Variants in USP1 observed in about 807,000 individuals in gnomAD.
USP1 encodes ubiquitin carboxyl-terminal hydrolase 1.
Under a neutral mutation model 72.2 loss-of-function variants are expected in USP1, and 18 were observed. The ratio of observed to expected loss-of-function variants is 0.25; its 90% CI spans 0.17 to 0.37. The LOEUF (loss-of-function observed/expected upper bound fraction) is 0.37, where lower values mean the gene tolerates loss of function less well. USP1 is among the 10% of genes least tolerant of loss of function. The probability of loss-of-function intolerance (pLI) is 1.00; values close to 1 mark genes in which losing one functional copy is unlikely to be tolerated. For synonymous variants in USP1, 354 were observed against 303.7 expected (o/e 1.17, Z -1.72); for missense variants, 759 against 884.9 (o/e 0.86, Z 1.81).
intron 7 of USP1, among the ~76,000 whole-genome samples, chr1:62,448,096 G>GT (rs1645188980): frequency 6.6e-6 from 1 of 152,084 alleles, no homozygotes; most frequent in Non-Finnish European, 1.5e-5. Context: ...TACTGAGGTT[G>GT]TTTTTAACAC....
At chr1:62,442,064 C>A in intron 3 of USP1, 131 bp from the exon 4 acceptor site, 1 of 639,296 alleles carries the variant, frequency 1.6e-6, no homozygotes, top group Non-Finnish European at 2.6e-6. Flanking sequence ...CAAATTTTGA[C>A]ACAAAACTTA....
rs1209916303 is a variant in USP1 at position 62,445,294 on chromosome 1, AAAG to A, written c.1117_1119del (p.Glu373del). The A allele has an allele frequency of 3.1e-6, 5 of 1,613,648 alleles. No homozygotes were observed. The highest frequency in any genetic ancestry group is 4.2e-6 in the Non-Finnish European group (5 of 1,179,934). ...AAACCAAGGAGTCAAAGGACAATCT[AAAG>A]AAAATGAATGTGATCCTGAAGAGGA... On this transcript the variant is annotated inframe_deletion, in exon 6 of 9. Coordinates refer to ENST00000339950, the MANE Select transcript of USP1 (RefSeq NM_003368.5).
chr1:62,447,307 T>A, intron 6 of USP1, 34 bp from the exon 7 acceptor site: 3 of 1,570,378 alleles, frequency 1.9e-6, no homozygotes, highest in Non-Finnish European at 2.6e-6. Context: ...GAAACTAATC[T>A]GTATAGACTT....
intron 1 of USP1, 112 bp downstream of exon 1, chr1:62,437,512 G>A (rs923308327): frequency 2.2e-5 from 5 of 229,000 alleles, no homozygotes; most frequent in Non-Finnish European, 4.2e-5. Flanking sequence ...TCGCACCCTG[G>A]TCGACCTGCC....
At chr1:62,443,908 T>C (rs530913730) in intron 5 of USP1, among the ~76,000 whole-genome samples, 1 of 152,284 alleles carries the variant, frequency 6.6e-6, no homozygotes, top group African/African-American at 2.4e-5. Flanking sequence ...TTTAAAACAA[T>C]CACTTAAGCA....
At chr1:62,441,779 G>A (rs1256578670) in intron 3 of USP1, among the ~76,000 whole-genome samples, 171 bp downstream of exon 3, 1 of 152,130 alleles carries the variant, frequency 6.6e-6, no homozygotes, top group East Asian at 1.9e-4. Context: ...AACTTCCTTT[G>A]GGGTAAGAGA....
rs996606240 is a variant in USP1 at position 62,438,956 on chromosome 1, T to C, written c.-69-843T>C. Among the ~76,000 whole-genome samples, 9 of 152,224 alleles carry C rather than the reference T, an allele frequency of 5.9e-5. No homozygotes were observed. In the South Asian group the frequency reaches 6.2e-4, roughly 11 times the overall value. The stretch of plus-strand genomic sequence containing the variant: ...TTTATCTTTCACTTACGGTTTTAGG[T>C]ATAACTTAACACCATCTCTATGCCT... On this transcript the variant is annotated intron_variant, in intron 1 of 8. Coordinates refer to ENST00000339950, the MANE Select transcript of USP1 (RefSeq NM_003368.5).
In USP1 at chr1:62,450,812, A is replaced by T; in HGVS notation, c.2189A>T (p.Glu730Val). The T allele has an allele frequency of 1.2e-6, 2 of 1,614,040 alleles. No homozygotes were observed. Among genetic ancestry groups the T allele is most frequent in the African/African-American group, 2.7e-5 (2 of 75,036 alleles). ...DQTGINISGF[E>V]NKISYVVQSL... ...ACAGGCATTAATATTAGTGGATTTGAGAACAAAATTTCATACGTAGTGCAA... is the reference window on the plus strand; with the variant it reads ...ACAGGCATTAATATTAGTGGATTTGTGAACAAAATTTCATACGTAGTGCAA... The change falls in exon 9 of 9, where the codon GAG (glutamate) becomes GTG (valine). Residue 730 changes from glutamate to valine, a missense_variant. Glu to Val is a moderately radical substitution (Grantham distance 121). Coordinates refer to ENST00000339950, the MANE Select transcript of USP1 (RefSeq NM_003368.5).
In USP1 at chr1:62,451,690, C is replaced by T. The variant is rs2149209273; in HGVS notation, c.*709C>T. The T allele has an allele frequency of 1.3e-5, 2 of 152,626 alleles. No individual in the cohort carries two copies. The highest frequency in any genetic ancestry group is 1.3e-4 in the Admixed American group (2 of 15,280). The allele number at this position is 152,626 out of a possible 1,614,324, so 9.5% of individuals were successfully genotyped here. On this transcript the variant is annotated 3_prime_UTR_variant, in exon 9 of 9. Transcript: ENST00000339950. The stretch of plus-strand genomic sequence containing the variant: ...CTTAGAGGTGTGACCTTAAATTTAA[C>T]TTTTTTTAAAAACTGGGAGGTCAAT...
intron 1 of USP1, among the ~76,000 whole-genome samples, chr1:62,439,502 A>C (rs1234940259): frequency 6.6e-6 from 1 of 152,098 alleles, no homozygotes; most frequent in African/African-American, 2.4e-5. Context: ...ATAAGTTTTT[A>C]CTACTTATAC....
rs565947491 is a variant in USP1, at chr1:62,449,678, G to A, written c.1623-568G>A. Among the ~76,000 whole-genome samples, 6 of 152,246 alleles carry A rather than the reference G, an allele frequency of 3.9e-5. No homozygotes were observed. In the East Asian group the frequency reaches 1.2e-3, roughly 29 times the overall value. Reference sequence around the variant, plus strand: ...CACCTGTAATCCTAGCACTTTGGGAGGCTGAGATGGATGGCTTGCACCCAG... The same window carrying A: ...CACCTGTAATCCTAGCACTTTGGGAAGCTGAGATGGATGGCTTGCACCCAG... On this transcript the variant is annotated intron_variant, in intron 8 of 8. Coordinates refer to ENST00000339950, the MANE Select transcript of USP1 (RefSeq NM_003368.5).
chr1:62,450,560 T>C lies in USP1; in HGVS notation c.1937T>C (p.Ile646Thr). Reference protein sequence around the residue: ...VENYNDEEVSIRVGGNTQPSK... With the variant: ...VENYNDEEVSTRVGGNTQPSK... Reference sequence around the variant, plus strand: ...AATTATAATGATGAAGAAGTGTCAATTAGAGTTGGTGGAAATACACAGCCA... The same window carrying C: ...AATTATAATGATGAAGAAGTGTCAACTAGAGTTGGTGGAAATACACAGCCA... Residue 646 changes from isoleucine (I) to threonine (T), a missense_variant, in exon 9 of 9, where the codon ATT becomes ACT. By Grantham distance (89) the Ile-to-Thr change is moderately conservative. Around this residue, in one of 9 missense-constraint regions of USP1, gnomAD observed 159 missense variants for 140.9 expected, o/e 1.13. Coordinates refer to ENST00000339950, the MANE Select transcript of USP1 (RefSeq NM_003368.5). 6.2e-7 allele frequency: 1 copy of C among 1,613,896 alleles called. No homozygotes were observed. The highest frequency in any genetic ancestry group is 8.5e-7 in the Non-Finnish European group (1 of 1,180,012).
Position 62,450,979 on chromosome 1 carries a change from TAG to T in USP1, c.*1_*2del, listed in dbSNP as rs748078643. ...TPYLLFYKKL* is the reference protein window; with the variant it reads ...TPYLLFYKKLX ...TTACTTGCTATTTTATAAGAAATTA[TAG>T]AGTGAGTGTATTTTCCTTGTGTATA... On this transcript the variant is annotated frameshift_variant and stop_lost, in exon 9 of 9. Coordinates refer to ENST00000339950, the MANE Select transcript of USP1 (RefSeq NM_003368.5). LOFTEE classifies it high-confidence loss of function. 1.6e-5 allele frequency: 26 copies of T among 1,580,310 alleles called. No individual in the cohort carries two copies. In the South Asian group the frequency reaches 2.8e-4, roughly 17 times the overall value.
chr1:62,450,657 T>TG lies in USP1; in HGVS notation c.2035dup (p.Glu679GlyfsTer8). 1 of 1,613,892 alleles carries TG rather than the reference T, an allele frequency of 6.2e-7. No homozygotes were observed. Among genetic ancestry groups the TG allele is most frequent in the Non-Finnish European group, 8.5e-7 (1 of 1,179,794 alleles). ...GAGGACAAAAGAGCAAAGCAGATTATGAGCTATACAACAAAGCCTCTAATC... is the reference window on the plus strand; with the variant it reads ...GAGGACAAAAGAGCAAAGCAGATTATGGAGCTATACAACAAAGCCTCTAATC... On this transcript the variant is annotated frameshift_variant, in exon 9 of 9. Transcript: ENST00000339950. LOFTEE classifies it high-confidence loss of function.
chr1:62,445,061 A>T lies in USP1; in HGVS notation c.881A>T (p.Glu294Val). The T allele has an allele frequency of 1.2e-6, 2 of 1,612,700 alleles. No individual in the cohort carries two copies. Among genetic ancestry groups the T allele is most frequent in the Non-Finnish European group, 1.7e-6 (2 of 1,179,702 alleles). The change falls in exon 6 of 9, where the codon GAA becomes GTA. Residue 294 changes from glutamate to valine, a missense_variant. Physicochemically the swap from Glu to Val is moderately radical, Grantham distance 121 (BLOSUM62 -2). Transcript: ENST00000339950. ...VKLSKEHQSL[E>V]ENQRQTRSKR... ...TTATCCAAGGAACACCAGTCATTGG[A>T]AGAGAACCAGAGACAAACTAGATCA...
At chr1:62,441,359 C>T (rs952991493) in intron 2 of USP1, 129 bp from the exon 3 acceptor site, 1 of 1,113,400 alleles carries the variant, frequency 9.0e-7, no homozygotes, top group Non-Finnish European at 1.2e-6. Context: ...CTTAAAATGT[C>T]ATCTGAACAA....
At chr1:62,448,345 T>C (rs1237820965) in intron 7 of USP1, 120 bp from the exon 8 acceptor site, 1 of 918,516 alleles carries the variant, frequency 1.1e-6, no homozygotes. Context: ...AAAATCTCTT[T>C]AGTTATTTAG....
In USP1 at chr1:62,451,011, A is replaced by C. The variant is rs777079121; in HGVS notation, c.*30A>C. On this transcript the variant is annotated 3_prime_UTR_variant, in exon 9 of 9. Transcript: ENST00000339950. ...AGTGTATTTTCCTTGTGTATATATT[A>C]AACACACCCATACAAACATTGGTAA... 6.6e-6 allele frequency: 10 copies of C among 1,523,842 alleles called. No individual in the cohort carries two copies. The highest frequency in any genetic ancestry group is 8.7e-6 in the Non-Finnish European group (10 of 1,144,150). 94.4% of individuals were successfully genotyped at this position (1,523,842 alleles called of 1,614,324 possible). A position where few individuals can be genotyped will look rare whatever the true frequency, so the allele number is the denominator to read the frequency against.
In USP1 at chr1:62,437,127, C is replaced by T; in HGVS notation, c.-343C>T. 5.0e-6 allele frequency: 2 copies of T among 399,170 alleles called. No individual in the cohort carries two copies. 24.7% of individuals were successfully genotyped at this position (399,170 alleles called of 1,614,324 possible). On this transcript the variant is annotated 5_prime_UTR_variant, in exon 1 of 9. Coordinates refer to ENST00000339950, the MANE Select transcript of USP1 (RefSeq NM_003368.5). ...AGGCGTTCGGCGAGCGGGGCCGCTGCTTGTTGCGCTCCTGGCTCTCCCGGG... is the reference window on the plus strand; with the variant it reads ...AGGCGTTCGGCGAGCGGGGCCGCTGTTTGTTGCGCTCCTGGCTCTCCCGGG...
Sources: allele counts gnomAD v4.1 joint callset (sites outside exome capture counted in the v4.1 genomes callset), GRCh38; gene constraint gnomAD v4.1.1; regional missense constraint gnomAD v4.1.1; transcripts MANE v1.5; gene names NCBI Gene and HGNC (gene_info 2026-07-23, HGNC 2026-07-21).